Variants in RIPOR2 observed in about 807,000 individuals in gnomAD.
RIPOR2 encodes RHO family interacting cell polarization regulator 2, also known as rho family-interacting cell polarization regulator 2.
In RIPOR2, 39 loss-of-function variants were observed where a neutral mutation model predicts 114.5. The observed-to-expected ratio is 0.34, with a 90% CI of 0.26 to 0.44. The LOEUF is 0.44. Among genes scored for constraint, RIPOR2 ranks in the 20% least tolerant of loss-of-function variants. RIPOR2 has a pLI of 1.00. For synonymous variants in RIPOR2, 445 were observed against 484.4 expected (o/e 0.92, Z 1.07); for missense variants, 1,007 against 1,255.1 (o/e 0.80, Z 2.99).
At chr6:24,828,338 C>CCATTCATT (rs10666595) in intron 17 of RIPOR2, 43 bp from the exon 18 acceptor site, 29 of 1,201,950 alleles carry the variant, frequency 2.4e-5, no homozygotes, top group Admixed American at 1.4e-4. Context: ...AGATAGATGA[C>CCATTCATT]CATTCATTCA....
intron 12 of RIPOR2, among the ~76,000 whole-genome samples, chr6:24,843,951 T>G (rs1762008004): frequency 6.6e-6 from 1 of 152,146 alleles, no homozygotes; most frequent in Admixed American, 6.6e-5. Flanking sequence ...TATTTAGGCA[T>G]CTATCTTAAA....
intron 19 of RIPOR2, 56 bp from the exon 20 acceptor site, chr6:24,818,681 G>GTTAA (rs1759394133): frequency 1.8e-6 from 2 of 1,098,070 alleles, no homozygotes; most frequent in Non-Finnish European, 1.3e-6. Context: ...TAGTTTAAGA[G>GTTAA]GTATACCTCA....
chr6:24,997,249 C>T (rs1305006535), intron 1 of RIPOR2, among the ~76,000 whole-genome samples: 1 of 152,002 alleles, frequency 6.6e-6, no homozygotes, highest in African/African-American at 2.4e-5. Flanking sequence ...GCCTGAGAAC[C>T]ACTAGTTTGA....
intron 1 of RIPOR2, among the ~76,000 whole-genome samples, chr6:24,969,958 CATGGTAG>C (rs1450153598): frequency 6.6e-6 from 1 of 152,066 alleles, no homozygotes; most frequent in Non-Finnish European, 1.5e-5. Flanking sequence ...CTGTGCTGCA[CATGGTAG>C]CTGTTCAATA....
At chr6:24,833,344 T>C (rs1760828546) in intron 15 of RIPOR2, among the ~76,000 whole-genome samples, 1 of 151,932 alleles carries the variant, frequency 6.6e-6, no homozygotes, top group Non-Finnish European at 1.5e-5. Flanking sequence ...CTACTAAATA[T>C]ACAAAAATTA....
intron 1 of RIPOR2, among the ~76,000 whole-genome samples, chr6:24,934,107 G>A (rs1469638448): frequency 6.6e-6 from 1 of 152,176 alleles, no homozygotes; most frequent in Non-Finnish European, 1.5e-5. Flanking sequence ...TGTGGGCTGG[G>A]CGTTTTGGAA....
intron 19 of RIPOR2, 73 bp from the exon 20 acceptor site, chr6:24,818,698 C>G (rs1212175012): frequency 1.2e-6 from 1 of 845,984 alleles, no homozygotes; most frequent in Admixed American, 2.5e-5. Context: ...CTCATTCTTA[C>G]TCTCTGAGAT....
intron 13 of RIPOR2, chr6:24,840,506 A>G (rs1376231530): frequency 7.1e-7 from 1 of 1,406,884 alleles, no homozygotes; most frequent in African/African-American, 1.4e-5. Context: ...CAAATATTCA[A>G]GAGGATGCTG....
At chr6:25,022,011 T>C (rs1055260152) in intron 1 of RIPOR2, among the ~76,000 whole-genome samples, 2 of 152,122 alleles carry the variant, frequency 1.3e-5, no homozygotes, top group African/African-American at 4.8e-5. Flanking sequence ...AACATTAAAC[T>C]TAAAAAAAAT....
chr6:24,919,327 G>A, intron 1 of RIPOR2, among the ~76,000 whole-genome samples: 1 of 152,214 alleles, frequency 6.6e-6, no homozygotes, highest in Non-Finnish European at 1.5e-5. Context: ...TGTAATCGCT[G>A]TCACATTCAA....
At chr6:24,976,915 C>T (rs1581902046) in intron 1 of RIPOR2, 1 of 1,599,906 alleles carries the variant, frequency 6.3e-7, no homozygotes, top group Admixed American at 1.7e-5. Context: ...CCATGGAGCG[C>T]TTTGGGTCCA....
At chr6:24,939,235 C>A (rs1390417998), upstream of RIPOR2, among the ~76,000 whole-genome samples, 1 of 152,208 alleles carries the variant, frequency 6.6e-6, no homozygotes, top group Non-Finnish European at 1.5e-5. Flanking sequence ...CCAGGCTACA[C>A]TATCTCTTAT....
rs55805821 is a variant in RIPOR2, at chr6:24,903,583, GT to G, written c.62-27767del. The stretch of plus-strand genomic sequence containing the variant: ...ATCTCCAGATAGCAACTTCTTTTTT[GT>G]TTTTTTTTAACTTATTTATTTTTTA... On this transcript the variant is annotated intron_variant, in intron 1 of 21. Transcript: ENST00000643898. Among the ~76,000 whole-genome samples the G allele has an allele frequency of 7.3e-3, 1,104 of 150,826 alleles. 12 individuals are homozygous for G. Among genetic ancestry groups the G allele is most frequent in the African/African-American group, 0.023 (944 of 40,976 alleles).
intron 1 of RIPOR2, among the ~76,000 whole-genome samples, chr6:24,931,461 C>A (rs534553202): frequency 7.0e-4 from 106 of 152,338 alleles, no homozygotes; most frequent in African/African-American, 2.5e-3. Flanking sequence ...TCCTTAAGAG[C>A]AACAGGCAGC....
chr6:24,972,665 A>G lies in RIPOR2; in HGVS notation c.76+69186T>C, dbSNP rs998713349. The stretch of plus-strand genomic sequence containing the variant: ...CTTCAGAGAGGTAGATTTAAGCTCT[A>G]TATAACAAATAACTCTCCAGGAATA... On this transcript the variant is annotated intron_variant, in intron 1 of 13. Transcript: ENST00000510784. Among the ~76,000 whole-genome samples the G allele has an allele frequency of 5.3e-4, 80 of 152,216 alleles. 1 individual carries two copies. Among genetic ancestry groups the G allele is most frequent in the African/African-American group, 1.7e-3 (72 of 41,456 alleles).
chr6:25,025,431 G>A (rs956127731), intron 1 of RIPOR2, among the ~76,000 whole-genome samples: 9 of 152,026 alleles, frequency 5.9e-5, no homozygotes, highest in South Asian at 4.1e-4. Context: ...TGCTGGGTGC[G>A]TGACGAGGCT....
chr6:24,954,011 A>G (rs1772912573), intron 1 of RIPOR2, among the ~76,000 whole-genome samples: 1 of 152,226 alleles, frequency 6.6e-6, no homozygotes, highest in Admixed American at 6.5e-5. Context: ...CTTTCTTCTT[A>G]CAGCTGGAAC....
intron 1 of RIPOR2, among the ~76,000 whole-genome samples, chr6:24,992,653 A>G (rs1774873689): frequency 6.6e-6 from 1 of 152,238 alleles, no homozygotes; most frequent in African/African-American, 2.4e-5. Context: ...AAAGCAATTT[A>G]CATATTCAAT....
intron 5 of RIPOR2, among the ~76,000 whole-genome samples, chr6:24,870,641 G>A (rs1408861196): frequency 2.0e-5 from 3 of 152,128 alleles, no homozygotes; most frequent in African/African-American, 7.2e-5. Context: ...TGGGTAGCTG[G>A]GACCACAGGC....
Sources: gnomAD v4.1 joint callset for allele counts (sites outside exome capture counted in the v4.1 genomes callset) on GRCh38, gnomAD v4.1.1 for gene constraint, MANE v1.5 for transcripts, NCBI Gene and HGNC (gene_info 2026-07-23, HGNC 2026-07-21) for gene names.